CANT1: variants seen among roughly 807,000 people sequenced by gnomAD.
CANT1 encodes calcium activated nucleotidase 1.
A neutral mutation model predicts 30.0 loss-of-function variants in CANT1; 26 were observed. That is an observed-to-expected ratio of 0.87 (90% CI 0.64 to 1.20). The LOEUF is 1.20. Among genes scored for constraint, CANT1 ranks in the 50% most tolerant of loss-of-function variants. The pLI is 0.00. For synonymous variants in CANT1, 246 were observed against 251.8 expected, an observed-to-expected ratio of 0.98 and a Z score of 0.22; for missense variants, 518 against 563.0, an observed-to-expected ratio of 0.92 and a Z score of 0.81.
intron 1 of CANT1, among the ~76,000 whole-genome samples, chr17:79,007,045 C>T (rs2071578205): frequency 6.6e-6 from 1 of 152,228 alleles, no homozygotes; most frequent in Admixed American, 6.5e-5. Flanking sequence ...TTCTTCACTT[C>T]CCATAAAACC....
chr17:78,997,312 C>T lies in CANT1; in HGVS notation c.311G>A (p.Arg104Gln), dbSNP rs763599455. Residue 104 changes from arginine (R) to glutamine (Q), a missense_variant, in exon 3 of 5, where the codon CGG becomes CAG. Around this residue, in one of 3 missense-constraint regions of CANT1, gnomAD observed 249 missense variants for 268.8 expected, o/e 0.93. Transcript: ENST00000392446. The surrounding 1 kb of genome is among the most constrained non-coding windows in gnomAD (Gnocchi z 7.5). The part of the protein sequence containing the change: ...SPPQRTPAGI[R>Q]YRIAVIADLD... ...GTCTGCGATAACTGCGATTCGATAC[C>T]GAATCCCAGCCGGTGTCCTTTGTGG... 1.2e-5 allele frequency: 19 copies of T among 1,614,026 alleles called. No homozygotes were observed. Among genetic ancestry groups the T allele is most frequent in the Admixed American group, 8.3e-5 (5 of 59,994 alleles).
At position 79,002,245 on chromosome 17, in the gene CANT1, G is replaced by C. The variant is rs1183548376; in HGVS notation, c.-146-4282C>G. On this transcript the variant is annotated intron_variant, in intron 1 of 4. Transcript: ENST00000392446. The surrounding 1 kb of genome is among the most constrained non-coding windows in gnomAD (Gnocchi z 4.0). ...TGTGGCCCAGGGAAGCCAAAAGATT[G>C]GACACCCCTGATATAGACCATCTGG... Among the ~76,000 whole-genome samples, 1 of 152,140 alleles carries C rather than the reference G, an allele frequency of 6.6e-6. No homozygotes were observed. Among genetic ancestry groups the C allele is most frequent in the Non-Finnish European group, 1.5e-5 (1 of 68,022 alleles).
Position 78,995,332 on chromosome 17 carries a change from C to A in CANT1, c.632-111G>T. ...TTAGACCCCGCACCTGACTCCCGCCCGGCTCCACACCTGCCTCCCCTCCGG... is the reference window on the plus strand; with the variant it reads ...TTAGACCCCGCACCTGACTCCCGCCAGGCTCCACACCTGCCTCCCCTCCGG... On this transcript the variant is annotated intron_variant, in intron 3 of 4. Transcript: ENST00000392446. This position sits in a 1 kb window ranked among gnomAD's most constrained non-coding sequence, Gnocchi z 5.7. 8.5e-7 allele frequency: 1 copy of A among 1,173,020 alleles called. No individual in the cohort carries two copies. Among genetic ancestry groups the A allele is most frequent in the South Asian group, 1.3e-5 (1 of 76,294 alleles). 72.7% of individuals were successfully genotyped at this position (1,173,020 alleles called of 1,614,324 possible).
chr17:79,000,890 A>G (rs2071234564), intron 1 of CANT1, among the ~76,000 whole-genome samples: 1 of 152,138 alleles, frequency 6.6e-6, no homozygotes, highest in Non-Finnish European at 1.5e-5. Context: ...GGATCTGGCC[A>G]CTGTCACAGC....
In CANT1 at chr17:78,993,551, T is replaced by C. The variant is rs753150342; in HGVS notation, c.1205A>G (p.Ter402=). 5 of 1,614,140 alleles carry C rather than the reference T, an allele frequency of 3.1e-6. No individual in the cohort carries two copies. The highest frequency in any genetic ancestry group is 4.2e-6 in the Non-Finnish European group (5 of 1,180,060). The change falls in exon 5 of 5, where the codon TAA becomes TGA. Residue 402 remains the stop codon, a stop_retained_variant. Coordinates refer to ENST00000392446, the MANE Select transcript of CANT1 (RefSeq NM_001159773.2). The surrounding 1 kb of genome is among the most constrained non-coding windows in gnomAD (Gnocchi z 4.5). ...SVKYEGIEFI[*] ...CTTGCTCAGTGTTTCCGTTTTGAGT[T>C]AAATGAACTCGATGCCTTCGTATTT...
Position 78,993,427 on chromosome 17 carries a change from C to T in CANT1, c.*123G>A. The T allele has an allele frequency of 2.8e-6, 4 of 1,448,656 alleles. No homozygotes were observed. Among genetic ancestry groups the T allele is most frequent in the South Asian group, 2.4e-5 (2 of 84,294 alleles). The allele number at this position is 1,448,656 out of a possible 1,614,324, so 89.7% of individuals were successfully genotyped here. A position where few individuals can be genotyped will look rare whatever the true frequency, so the allele number is the denominator to read the frequency against. ...CACCACTATGGGGCCCGGGACTGGG[C>T]TCCCTGTCCAGACCTCCAACCCAGG... On this transcript the variant is annotated 3_prime_UTR_variant, in exon 5 of 5. Transcript: ENST00000392446. The surrounding 1 kb of genome is among the most constrained non-coding windows in gnomAD (Gnocchi z 4.5).
At chr17:79,007,917 G>A (rs985586259) in intron 1 of CANT1, 3 of 152,218 alleles carry the variant, frequency 2.0e-5, no homozygotes, top group South Asian at 2.1e-4. Context: ...ATCCCGCTGC[G>A]AGTGGAGGGT....
intron 4 of CANT1, 123 bp downstream of exon 4, chr17:78,994,895 G>C: frequency 9.7e-7 from 1 of 1,035,548 alleles, no homozygotes; most frequent in Non-Finnish European, 1.4e-6. Flanking sequence ...ACTCTAACCG[G>C]GGTGACAGAG....
rs1268662820 is a variant in CANT1 at position 78,992,156 on chromosome 17, G to A, written c.*1394C>T. ...CCTCCACTACCTATGACATAGCGGG[G>A]GAAAGAGACAACCATGAGAGAGGGG... On this transcript the variant is annotated 3_prime_UTR_variant, in exon 5 of 5. Transcript: ENST00000392446. 8.6e-6 allele frequency: 2 copies of A among 232,642 alleles called. No homozygotes were observed. The highest frequency in any genetic ancestry group is 1.8e-4 in the South Asian group (1 of 5,602). 14.4% of individuals were successfully genotyped at this position (232,642 alleles called of 1,614,324 possible).
rs566543507 is a variant in CANT1, at chr17:78,995,591, C to A, written c.632-370G>T. ...CCCTCGGCCACACCTGAGGTCTCAC[C>A]GAGCATCACTCTAACTCCAGTGGCC... On this transcript the variant is annotated intron_variant, in intron 3 of 4. Transcript: ENST00000392446. The surrounding 1 kb of genome is among the most constrained non-coding windows in gnomAD (Gnocchi z 5.7). Among the ~76,000 whole-genome samples the A allele has an allele frequency of 6.6e-6, 1 of 152,228 alleles. No individual in the cohort carries two copies. The highest frequency in any genetic ancestry group is 2.1e-4 in the South Asian group (1 of 4,832).
chr17:78,996,019 C>T lies in CANT1; in HGVS notation c.632-798G>A, dbSNP rs9891726. Reference sequence around the variant, plus strand: ...CCCAACCCCAGAGCTCCCTGTACCCCGCTTTCCTCCCTATCCAAGGGAAGG... The same window carrying T: ...CCCAACCCCAGAGCTCCCTGTACCCTGCTTTCCTCCCTATCCAAGGGAAGG... On this transcript the variant is annotated intron_variant, in intron 3 of 4. Coordinates refer to ENST00000392446, the MANE Select transcript of CANT1 (RefSeq NM_001159773.2). This position sits in a 1 kb window ranked among gnomAD's most constrained non-coding sequence, Gnocchi z 5.1. Among the ~76,000 whole-genome samples, 20,090 of 152,084 alleles carry T rather than the reference C, an allele frequency of 0.13. 1,549 individuals are homozygous for T. The highest frequency in any genetic ancestry group is 0.32 in the East Asian group (1,643 of 5,130).
chr17:79,009,439 C>T (rs1433889131), intron 1 of CANT1, among the ~76,000 whole-genome samples: 2 of 152,216 alleles, frequency 1.3e-5, no homozygotes, highest in East Asian at 3.8e-4. Context: ...GGGTGGTGTC[C>T]ACCGCCTGTC....
In CANT1 at chr17:78,991,914, C is replaced by T. The variant is rs543886383; in HGVS notation, c.*1636G>A. 1.3e-5 allele frequency: 3 copies of T among 231,564 alleles called. No homozygotes were observed. The East Asian group carries it at 1.8e-4, about 14-fold the overall frequency. The allele number at this position is 231,564 out of a possible 1,614,324, so 14.3% of individuals were successfully genotyped here. On this transcript the variant is annotated 3_prime_UTR_variant, in exon 5 of 5. Transcript: ENST00000392446. ...TCAGGTGCTGACATGAATACATCAG[C>T]AAGGTCTCAATTCAGCCACAGTCCC...
Position 78,998,766 on chromosome 17 carries a change from C to T in CANT1, c.-146-803G>A, listed in dbSNP as rs894347280. On this transcript the variant is annotated intron_variant, in intron 1 of 4. Coordinates refer to ENST00000392446, the MANE Select transcript of CANT1 (RefSeq NM_001159773.2). The surrounding 1 kb of genome is among the most constrained non-coding windows in gnomAD (Gnocchi z 4.5). ...GGGAGACAGCTCCCGGTGCTTCGAT[C>T]GAGAACACTGGCCCTGGGCAGAGGT... 1.3e-5 allele frequency among the ~76,000 whole-genome samples: 2 copies of T among 152,246 alleles called. No individual in the cohort carries two copies. Among genetic ancestry groups the T allele is most frequent in the Non-Finnish European group, 1.5e-5 (1 of 68,034 alleles).
At chr17:79,009,386 C>T (rs963780841) in intron 1 of CANT1, among the ~76,000 whole-genome samples, 1 of 152,196 alleles carries the variant, frequency 6.6e-6, no homozygotes, top group African/African-American at 2.4e-5. Context: ...GGGTAATGGT[C>T]CCCACGCTAG....
At position 79,008,714 on chromosome 17, in the gene CANT1, C is replaced by T. The variant is rs889439269; in HGVS notation, c.-147+950G>A. On this transcript the variant is annotated intron_variant, in intron 1 of 4. Transcript: ENST00000392446. The surrounding 1 kb of genome is among the most constrained non-coding windows in gnomAD (Gnocchi z 4.4). Reference sequence around the variant, plus strand: ...CACAGAGGGCAAGGGAAAGACCATTCGGAGGGAGAAGCAAAGGCACCAGGC... The same window carrying T: ...CACAGAGGGCAAGGGAAAGACCATTTGGAGGGAGAAGCAAAGGCACCAGGC... Among the ~76,000 whole-genome samples the T allele has an allele frequency of 4.6e-5, 7 of 152,084 alleles. No individual in the cohort carries two copies. The highest frequency in any genetic ancestry group is 1.4e-4 in the African/African-American group (6 of 41,390).
At position 78,993,929 on chromosome 17, in the gene CANT1, C is replaced by A. The variant is rs538543007; in HGVS notation, c.836-9G>T. 2.6e-6 allele frequency: 4 copies of A among 1,562,466 alleles called. No individual in the cohort carries two copies. The highest frequency in any genetic ancestry group is 1.2e-5 in the South Asian group (1 of 86,350). ...CTCATGGATGAGGTAGCCTGGGAAC[C>A]GGGTGACCGCGGGTCAGACACGCAT... On this transcript the variant is annotated splice_polypyrimidine_tract_variant and intron_variant, in intron 4 of 4. Coordinates refer to ENST00000392446, the MANE Select transcript of CANT1 (RefSeq NM_001159773.2). The surrounding 1 kb of genome is among the most constrained non-coding windows in gnomAD (Gnocchi z 4.5).
At position 78,996,220 on chromosome 17, in the gene CANT1, G is replaced by A. The variant is rs574868431; in HGVS notation, c.631+772C>T. Among the ~76,000 whole-genome samples the A allele has an allele frequency of 8.5e-5, 13 of 152,320 alleles. No individual in the cohort carries two copies. The highest frequency in any genetic ancestry group is 3.9e-4 in the East Asian group (2 of 5,184). ...TGGCCGGCCATGAACTGTGTGGGCCGTTGTTTAGTGCAGTTCCTCCTTGAC... is the reference window on the plus strand; with the variant it reads ...TGGCCGGCCATGAACTGTGTGGGCCATTGTTTAGTGCAGTTCCTCCTTGAC... On this transcript the variant is annotated intron_variant, in intron 3 of 4. Transcript: ENST00000392446. The surrounding 1 kb of genome is among the most constrained non-coding windows in gnomAD (Gnocchi z 5.1).
rs1439647668 is a variant in CANT1, at chr17:79,002,221, G to A, written c.-146-4258C>T. Among the ~76,000 whole-genome samples, 2 of 152,150 alleles carry A rather than the reference G, an allele frequency of 1.3e-5. No individual in the cohort carries two copies. The highest frequency in any genetic ancestry group is 2.9e-5 in the Non-Finnish European group (2 of 68,040). The stretch of plus-strand genomic sequence containing the variant: ...GGCCCAAGACAATTCTTCTTCCAAT[G>A]TGGCCCAGGGAAGCCAAAAGATTGG... On this transcript the variant is annotated intron_variant, in intron 1 of 4. Coordinates refer to ENST00000392446, the MANE Select transcript of CANT1 (RefSeq NM_001159773.2). This position sits in a 1 kb window ranked among gnomAD's most constrained non-coding sequence, Gnocchi z 4.0.
Sources: allele counts gnomAD v4.1 joint callset (sites outside exome capture counted in the v4.1 genomes callset), GRCh38; gene constraint gnomAD v4.1.1; regional missense constraint gnomAD v4.1.1; non-coding constraint Gnocchi (gnomAD v3.1); transcripts MANE v1.5; gene names NCBI Gene and HGNC (gene_info 2026-07-23, HGNC 2026-07-21).